GPC5: variants seen among roughly 807,000 people sequenced by gnomAD.
GPC5 encodes the protein glypican 5.
In GPC5, 47 loss-of-function variants were observed where a neutral mutation model predicts 53.9. The ratio of observed to expected loss-of-function variants is 0.87; its 90% CI spans 0.69 to 1.11. The LOEUF (loss-of-function observed/expected upper bound fraction) is 1.11. Among genes scored for constraint, GPC5 ranks in the 50% most tolerant of loss-of-function variants. GPC5 has a pLI of 0.00. For missense variants in GPC5, 748 were observed against 713.1 expected, an observed-to-expected ratio of 1.05 and a Z score of -0.56; for synonymous variants, 286 against 263.3, an observed-to-expected ratio of 1.09 and a Z score of -0.84.
At chr13:92,572,452 G>T (rs1161017013) in intron 7 of GPC5, among the ~76,000 whole-genome samples, 2 of 152,124 alleles carry the variant, frequency 1.3e-5, no homozygotes, top group Non-Finnish European at 2.9e-5. Flanking sequence ...TCTGTTTTCA[G>T]CAGGGAAGAT....
intron 6 of GPC5, among the ~76,000 whole-genome samples, chr13:91,954,328 G>C (rs1472222677): frequency 1.3e-5 from 2 of 152,140 alleles, no homozygotes; most frequent in African/African-American, 4.8e-5. Context: ...AATTACTTCA[G>C]ATCCTAAACA....
rs148888424 is a variant in GPC5 at position 92,314,965 on chromosome 13, C to T, written c.1561+169976C>T. ...ATTTTTTAATGCTTTTTGGTACAGA[C>T]GGGGTGTTGCTGTGTTGCCCAGGCT... is the stretch of plus-strand genomic sequence containing the variant. On this transcript the variant is annotated intron_variant, in intron 7 of 7. Coordinates refer to ENST00000377067, the MANE Select transcript of GPC5 (RefSeq NM_004466.6). Among the ~76,000 whole-genome samples the T allele has an allele frequency of 9.9e-5, 15 of 152,034 alleles. No homozygotes were observed. In the East Asian group the frequency reaches 2.5e-3, roughly 25 times the overall value.
intron 4 of GPC5, among the ~76,000 whole-genome samples, chr13:91,750,633 A>G (rs1322602053): frequency 2.0e-5 from 3 of 150,940 alleles, no homozygotes; most frequent in African/African-American, 7.3e-5. Context: ...AATTCTGATA[A>G]TAGGGCCAAC....
At chr13:92,728,152 T>C (rs1262687689) in intron 7 of GPC5, among the ~76,000 whole-genome samples, 1 of 151,520 alleles carries the variant, frequency 6.6e-6, no homozygotes, top group African/African-American at 2.4e-5. Context: ...TGTCTCTCAA[T>C]GCATTATTTG....
At chr13:91,963,721 G>A (rs1444343229) in intron 6 of GPC5, among the ~76,000 whole-genome samples, 1 of 152,060 alleles carries the variant, frequency 6.6e-6, no homozygotes, top group Non-Finnish European at 1.5e-5. Context: ...AATGGCAGTG[G>A]GGGTATAAGA....
chr13:92,539,372 T>G (rs1881849239), intron 7 of GPC5, among the ~76,000 whole-genome samples: 1 of 151,984 alleles, frequency 6.6e-6, no homozygotes, highest in Non-Finnish European at 1.5e-5. Flanking sequence ...TCTAACTGGT[T>G]GAGATGATAT....
chr13:91,668,919 A>G (rs1319407368), intron 2 of GPC5, among the ~76,000 whole-genome samples: 2 of 152,226 alleles, frequency 1.3e-5, no homozygotes, highest in Non-Finnish European at 2.9e-5. Flanking sequence ...CCATTTTTAT[A>G]AAGTGAAAAT....
intron 7 of GPC5, among the ~76,000 whole-genome samples, chr13:92,267,717 T>A (rs1260879130): frequency 1.3e-5 from 2 of 151,202 alleles, no homozygotes; most frequent in East Asian, 3.9e-4. Context: ...TCTTTTTTTG[T>A]AAATAAAGTT....
chr13:92,616,230 A>T (rs1884686399), intron 7 of GPC5, among the ~76,000 whole-genome samples: 1 of 152,232 alleles, frequency 6.6e-6, no homozygotes, highest in Non-Finnish European at 1.5e-5. Flanking sequence ...AAGAAGACTT[A>T]ATATGTTGAT....
At chr13:92,290,582 A>G (rs1311703519) in intron 7 of GPC5, among the ~76,000 whole-genome samples, 1 of 152,078 alleles carries the variant, frequency 6.6e-6, no homozygotes, top group Non-Finnish European at 1.5e-5. Context: ...AGAACATAGG[A>G]TGTTTGGTTT....
At chr13:92,427,461 C>G (rs1876886455) in intron 7 of GPC5, among the ~76,000 whole-genome samples, 1 of 111,254 alleles carries the variant, frequency 9.0e-6, no homozygotes, top group African/African-American at 4.1e-5. Context: ...TTAAATGGCT[C>G]TGCAGTGAGG....
intron 3 of GPC5, among the ~76,000 whole-genome samples, chr13:91,726,944 C>A (rs1391376606): frequency 6.6e-6 from 1 of 152,218 alleles, no homozygotes; most frequent in African/African-American, 2.4e-5. Flanking sequence ...CGTATGATGG[C>A]ATGTTTATGT....
At chr13:91,869,415 G>A (rs1287977805) in intron 5 of GPC5, among the ~76,000 whole-genome samples, 2 of 152,140 alleles carry the variant, frequency 1.3e-5, no homozygotes, top group African/African-American at 4.8e-5. Context: ...CAAAGCCAGA[G>A]TCCTAAAGGA....
chr13:91,477,085 A>T (rs977065193), intron 2 of GPC5, among the ~76,000 whole-genome samples: 4 of 152,190 alleles, frequency 2.6e-5, no homozygotes, highest in African/African-American at 9.7e-5. Flanking sequence ...AAGGATATAT[A>T]TTCAAATATT....
intron 7 of GPC5, among the ~76,000 whole-genome samples, chr13:92,527,400 G>A (rs1352931044): frequency 6.6e-6 from 1 of 152,066 alleles, no homozygotes; most frequent in African/African-American, 2.4e-5. Flanking sequence ...TATCATAGAA[G>A]AGCAGAGTAT....
chr13:91,739,033 CATTT>C (rs1402637995), intron 4 of GPC5, among the ~76,000 whole-genome samples: 1 of 151,426 alleles, frequency 6.6e-6, no homozygotes, highest in African/African-American at 2.5e-5. Flanking sequence ...TTGCAGCTTT[CATTT>C]GTCTGCAGAC....
chr13:91,645,838 TC>T, intron 2 of GPC5, among the ~76,000 whole-genome samples: 1 of 152,282 alleles, frequency 6.6e-6, no homozygotes, highest in East Asian at 1.9e-4. Context: ...ATTCAGCATA[TC>T]TGGGGGATCC....
intron 7 of GPC5, among the ~76,000 whole-genome samples, chr13:92,521,430 CAT>C (rs1881042338): frequency 6.6e-6 from 1 of 152,084 alleles, no homozygotes; most frequent in African/African-American, 2.4e-5. Flanking sequence ...AAAACAGAGA[CAT>C]AGACCAATGG....
intron 2 of GPC5, among the ~76,000 whole-genome samples, chr13:91,593,837 G>A (rs993725944): frequency 2.0e-5 from 3 of 151,276 alleles, no homozygotes; most frequent in African/African-American, 4.9e-5. Context: ...ATAAAATAAT[G>A]TGTGGCCTGA....
Sources: gnomAD v4.1 joint callset for allele counts (sites outside exome capture counted in the v4.1 genomes callset) on GRCh38, gnomAD v4.1.1 for gene constraint, MANE v1.5 for transcripts, NCBI Gene and HGNC (gene_info 2026-07-23, HGNC 2026-07-21) for gene names.